The following INSC variants were observed in gnomAD, a reference collection of about 807,000 sequenced individuals.
INSC encodes the protein INSC spindle orientation adaptor protein, also known as protein inscuteable homolog.
INSC carries 67 observed loss-of-function variants against 58.6 expected under a neutral mutation model. The ratio of observed to expected loss-of-function variants is 1.14; its 90% CI spans 0.94 to 1.40. The LOEUF (loss-of-function observed/expected upper bound fraction) is 1.40, where lower values mean the gene tolerates loss of function less well. Ranked by LOEUF, INSC falls within the 40% of genes most tolerant of loss-of-function variation. INSC has a pLI of 0.00. For synonymous variants in INSC, 262 were observed against 276.1 expected (o/e 0.95, Z 0.51); for missense variants, 714 against 692.0 (o/e 1.03, Z -0.36).
At chr11:15,169,379 C>A (rs974014529) in intron 2 of INSC, among the ~76,000 whole-genome samples, 4 of 152,192 alleles carry the variant, frequency 2.6e-5, no homozygotes, top group Non-Finnish European at 5.9e-5. Flanking sequence ...TTTCCACTTC[C>A]CAGTTCTTTG....
At chr11:15,183,656 A>AT (rs1849862853) in intron 5 of INSC, among the ~76,000 whole-genome samples, 1 of 152,164 alleles carries the variant, frequency 6.6e-6, no homozygotes, top group South Asian at 2.1e-4. Context: ...CCTTTCAGCT[A>AT]TTTTTCACAC....
At chr11:15,221,290 G>T (rs1851428316) in intron 7 of INSC, among the ~76,000 whole-genome samples, 187 bp from the exon 8 acceptor site, 1 of 152,130 alleles carries the variant, frequency 6.6e-6, no homozygotes, top group Non-Finnish European at 1.5e-5. Flanking sequence ...CCAGGTGCCA[G>T]AATTTGAGTC....
At chr11:15,166,958 GGTT>G (rs1185581195) in intron 2 of INSC, among the ~76,000 whole-genome samples, 1 of 152,148 alleles carries the variant, frequency 6.6e-6, no homozygotes, top group African/African-American at 2.4e-5. Context: ...AACCAAGTAA[GGTT>G]GTCGTGAATA....
In INSC at chr11:15,221,587, C is replaced by A; in HGVS notation, c.930C>A (p.Pro310=). The part of the protein sequence containing the change: ...VVAQVTSPHL[P]VTQHLSSFLE... ...CCCAGGTCACCTCCCCACACCTGCCCGTCACCCAGCACCTCAGTAGCTTCC... is the reference window on the plus strand; with the variant it reads ...CCCAGGTCACCTCCCCACACCTGCCAGTCACCCAGCACCTCAGTAGCTTCC... Residue 310 remains proline (P), a synonymous_variant, in exon 8 of 13, where the codon CCC becomes CCA. Transcript: ENST00000379556. 6 of 1,613,890 alleles carry A rather than the reference C, an allele frequency of 3.7e-6. No individual in the cohort carries two copies. Among genetic ancestry groups the A allele is most frequent in the Non-Finnish European group, 5.1e-6 (6 of 1,179,940 alleles).
the INSC span, among the ~76,000 whole-genome samples, chr11:15,253,863 T>A: frequency 6.6e-6 from 1 of 152,022 alleles, no homozygotes; most frequent in Non-Finnish European, 1.5e-5. Flanking sequence ...TTAACAGAGA[T>A]TTGGAGTGTA....
chr11:15,241,917 C>A (rs1277261140), intron 12 of INSC, among the ~76,000 whole-genome samples: 2 of 152,154 alleles, frequency 1.3e-5, no homozygotes, highest in Non-Finnish European at 2.9e-5. Context: ...TTTTCAACAA[C>A]TTTCACGGGC....
the INSC span, among the ~76,000 whole-genome samples, chr11:15,254,985 T>C: frequency 6.6e-6 from 1 of 152,244 alleles, no homozygotes; most frequent in East Asian, 1.9e-4. Flanking sequence ...GTATATGTAC[T>C]ACTTCACTAA....
At chr11:15,269,393 G>A in the INSC span, among the ~76,000 whole-genome samples, 2 of 151,870 alleles carry the variant, frequency 1.3e-5, no homozygotes, top group African/African-American at 2.4e-5. Flanking sequence ...AATGACCAAC[G>A]TCTCCCAACC....
intron 7 of INSC, among the ~76,000 whole-genome samples, chr11:15,208,526 G>A (rs897082452): frequency 6.6e-6 from 1 of 152,220 alleles, no homozygotes; most frequent in Non-Finnish European, 1.5e-5. Context: ...TGGGGTGGGG[G>A]CACTTAAGGA....
Position 15,165,518 on chromosome 11 carries a change from G to A in INSC, c.57-10223G>A, listed in dbSNP as rs77008777. Reference sequence around the variant, plus strand: ...GTCCAAAGTTACGTAGCTAGCCAGTGGCAGAGCTGGAATTTGAATCCAGGT... The same window carrying A: ...GTCCAAAGTTACGTAGCTAGCCAGTAGCAGAGCTGGAATTTGAATCCAGGT... On this transcript the variant is annotated intron_variant, in intron 2 of 12. Coordinates refer to ENST00000379556, the MANE Select transcript of INSC (RefSeq NM_001042536.3). Among the ~76,000 whole-genome samples the A allele has an allele frequency of 1.7e-4, 26 of 152,302 alleles. No homozygotes were observed. In the East Asian group the frequency reaches 5.0e-3, roughly 29 times the overall value.
chr11:15,159,365 TGG>T (rs1848934865), intron 2 of INSC, among the ~76,000 whole-genome samples: 1 of 152,118 alleles, frequency 6.6e-6, no homozygotes, highest in African/African-American at 2.4e-5. Flanking sequence ...AGGATGGTAA[TGG>T]GCACATTACG....
chr11:15,210,242 A>G (rs976406555), intron 7 of INSC, among the ~76,000 whole-genome samples: 3 of 152,188 alleles, frequency 2.0e-5, no homozygotes, highest in African/African-American at 4.8e-5. Flanking sequence ...TCTAATCCCT[A>G]TGAGCCTCAA....
chr11:15,133,697 G>A (rs1848176051), intron 1 of INSC, among the ~76,000 whole-genome samples: 1 of 152,182 alleles, frequency 6.6e-6, no homozygotes, highest in Non-Finnish European at 1.5e-5. Context: ...TTCAACAGAT[G>A]TTCTCAGGAA....
intron 9 of INSC, among the ~76,000 whole-genome samples, chr11:15,233,635 A>AAT (rs1852008144): frequency 6.6e-6 from 1 of 152,210 alleles, no homozygotes; most frequent in Non-Finnish European, 1.5e-5. Flanking sequence ...CACGGCTAAT[A>AAT]ATTACTGTGT....
chr11:15,147,204 T>C (rs760223585), intron 1 of INSC, among the ~76,000 whole-genome samples: 6 of 152,230 alleles, frequency 3.9e-5, no homozygotes, highest in Non-Finnish European at 8.8e-5. Context: ...CCTCATTTTA[T>C]TGTTCCTAGT....
chr11:15,200,189 A>ACACACG (rs1554918997), intron 6 of INSC, among the ~76,000 whole-genome samples: 34 of 150,514 alleles, frequency 2.3e-4, no homozygotes, highest in African/African-American at 8.1e-4. Context: ...ACACACACAC[A>ACACACG]CAAACAGGAG....
At chr11:15,116,354 G>A (rs1195679966) in intron 1 of INSC, among the ~76,000 whole-genome samples, 1 of 152,212 alleles carries the variant, frequency 6.6e-6, no homozygotes, top group Non-Finnish European at 1.5e-5. Context: ...GAGCTGGGTT[G>A]ATTCTTTCTC....
At chr11:15,210,825 T>G (rs1483172198) in intron 7 of INSC, among the ~76,000 whole-genome samples, 1 of 151,438 alleles carries the variant, frequency 6.6e-6, no homozygotes, top group Non-Finnish European at 1.5e-5. Flanking sequence ...CTTGGGCTGG[T>G]GGGGTGGAGG....
chr11:15,241,147 T>C (rs4400789), intron 12 of INSC, among the ~76,000 whole-genome samples: 106,612 of 152,086 alleles, frequency 0.7, 37,742 homozygotes, highest in East Asian at 0.86. Flanking sequence ...AGAAAATGCA[T>C]GCTTCGTCTA....
Sources: allele counts gnomAD v4.1 joint callset (sites outside exome capture counted in the v4.1 genomes callset), GRCh38; gene constraint gnomAD v4.1.1; transcripts MANE v1.5; gene names NCBI Gene and HGNC (gene_info 2026-07-23, HGNC 2026-07-21).